LYPLAL1: variants seen among roughly 807,000 people sequenced by gnomAD.
LYPLAL1 encodes lysophospholipase like 1.
In LYPLAL1, 23 loss-of-function variants were observed where a neutral mutation model predicts 19.7. That is an observed-to-expected ratio of 1.17 (90% CI 0.84 to 1.65). LYPLAL1 has a LOEUF of 1.65. LYPLAL1 is among the 40% of genes most tolerant of loss of function. The pLI, the probability that LYPLAL1 is intolerant of heterozygous loss-of-function variation, is 0.00. For synonymous variants in LYPLAL1, 119 were observed against 96.3 expected, an observed-to-expected ratio of 1.24 and a Z score of -1.38; for missense variants, 355 against 279.4, an observed-to-expected ratio of 1.27 and a Z score of -1.93.
chr1:219,384,911 G>A, the LYPLAL1 span, among the ~76,000 whole-genome samples: 3 of 152,152 alleles, frequency 2.0e-5, no homozygotes, highest in Non-Finnish European at 4.4e-5. Flanking sequence ...CAACAAATGA[G>A]GAAAGAGACT....
At chr1:219,189,723 G>A (rs2125055808) in intron 2 of LYPLAL1, among the ~76,000 whole-genome samples, 1 of 151,656 alleles carries the variant, frequency 6.6e-6, no homozygotes, top group South Asian at 2.1e-4. Flanking sequence ...GAAAAGCTCA[G>A]TCTGCAAAAA....
At chr1:219,342,882 T>G in the LYPLAL1 span, among the ~76,000 whole-genome samples, 52,450 of 152,168 alleles carry the variant, frequency 0.34, 9,623 homozygotes, top group Admixed American at 0.41. Flanking sequence ...AATTTCCAGT[T>G]TATTGTTTCG....
chr1:219,215,414 C>T (rs1659256975), downstream of LYPLAL1, among the ~76,000 whole-genome samples: 1 of 151,770 alleles, frequency 6.6e-6, no homozygotes, highest in South Asian at 2.1e-4. Context: ...TGATTTTGAC[C>T]AACTTGATTA....
At chr1:219,243,564 T>G in the LYPLAL1 span, among the ~76,000 whole-genome samples, 1 of 152,068 alleles carries the variant, frequency 6.6e-6, no homozygotes, top group South Asian at 2.1e-4. Context: ...TGAGAGGATA[T>G]GCTAGAGTTT....
At chr1:219,265,481 T>A in the LYPLAL1 span, among the ~76,000 whole-genome samples, 5 of 152,176 alleles carry the variant, frequency 3.3e-5, no homozygotes, top group Admixed American at 2.6e-4. Flanking sequence ...TCAAATAAGC[T>A]GCAATTCTTT....
At chr1:219,252,345 C>T in the LYPLAL1 span, among the ~76,000 whole-genome samples, 3 of 152,164 alleles carry the variant, frequency 2.0e-5, no homozygotes, top group Admixed American at 6.6e-5. Context: ...GACAGGGCAT[C>T]CTTGTCTTGT....
At chr1:219,380,102 A>C in the LYPLAL1 span, among the ~76,000 whole-genome samples, 4 of 152,372 alleles carry the variant, frequency 2.6e-5, no homozygotes, top group East Asian at 7.7e-4. Flanking sequence ...TCTATGATAT[A>C]GTTATCATCT....
chr1:219,262,001 G>C, the LYPLAL1 span, among the ~76,000 whole-genome samples: 13 of 151,920 alleles, frequency 8.6e-5, no homozygotes, highest in African/African-American at 3.1e-4. Flanking sequence ...AGGTTTAGTC[G>C]TTTAACATAA....
At chr1:219,188,482 G>A (rs1299150721) in intron 2 of LYPLAL1, among the ~76,000 whole-genome samples, 1 of 151,674 alleles carries the variant, frequency 6.6e-6, no homozygotes, top group Non-Finnish European at 1.5e-5. Context: ...CTAATAATAA[G>A]CTCGTACTAT....
At chr1:219,378,975 A>T in the LYPLAL1 span, among the ~76,000 whole-genome samples, 1 of 152,210 alleles carries the variant, frequency 6.6e-6, no homozygotes, top group African/African-American at 2.4e-5. Flanking sequence ...AAAGGAAAAC[A>T]CAAATTCATA....
chr1:219,433,862 G>T, the LYPLAL1 span, among the ~76,000 whole-genome samples: 1 of 152,208 alleles, frequency 6.6e-6, no homozygotes, highest in South Asian at 2.1e-4. Flanking sequence ...CTAATTTGGT[G>T]TTCATCAATT....
At chr1:219,423,032 C>T in the LYPLAL1 span, among the ~76,000 whole-genome samples, 1 of 152,106 alleles carries the variant, frequency 6.6e-6, no homozygotes, top group African/African-American at 2.4e-5. Flanking sequence ...AGCAGGAAAA[C>T]CCCTGACCAT....
At chr1:219,304,284 G>C in the LYPLAL1 span, among the ~76,000 whole-genome samples, 3 of 152,308 alleles carry the variant, frequency 2.0e-5, no homozygotes, top group African/African-American at 7.2e-5. Flanking sequence ...TGCATTTATA[G>C]TAGATGCTAA....
intron 3 of LYPLAL1, among the ~76,000 whole-genome samples, chr1:219,207,137 T>C (rs1658639588): frequency 6.6e-6 from 1 of 152,070 alleles, no homozygotes; most frequent in South Asian, 2.1e-4. Context: ...AGACACATAA[T>C]TCAGGCTCTT....
the LYPLAL1 span, among the ~76,000 whole-genome samples, chr1:219,439,996 C>CATAT: frequency 2.3e-4 from 11 of 47,158 alleles, no homozygotes; most frequent in East Asian, 9.4e-4. Flanking sequence ...TATATACACA[C>CATAT]ATATATATAT....
chr1:219,298,462 C>G, the LYPLAL1 span, among the ~76,000 whole-genome samples: 2 of 152,236 alleles, frequency 1.3e-5, no homozygotes, highest in Admixed American at 6.5e-5. Context: ...GCCAATCCCT[C>G]TAGCCACTAA....
chr1:219,220,644 G>A, the LYPLAL1 span, among the ~76,000 whole-genome samples: 11 of 152,092 alleles, frequency 7.2e-5, no homozygotes, highest in Admixed American at 4.6e-4. Flanking sequence ...AAGAAAGTGC[G>A]GAAGGTACAG....
chr1:219,239,071 C>G, the LYPLAL1 span, among the ~76,000 whole-genome samples: 3 of 152,182 alleles, frequency 2.0e-5, no homozygotes, highest in Non-Finnish European at 1.5e-5. Context: ...TTCTATTTCT[C>G]TGTCATAACC....
intron 3 of LYPLAL1, 72 bp downstream of exon 3, chr1:219,193,323 G>A: frequency 1.6e-6 from 2 of 1,259,276 alleles, no homozygotes; most frequent in Non-Finnish European, 2.2e-6. Flanking sequence ...ATCTTACTTG[G>A]AACATTATTT....
Sources: gnomAD v4.1 joint callset for allele counts (sites outside exome capture counted in the v4.1 genomes callset) on GRCh38, gnomAD v4.1.1 for gene constraint, MANE v1.5 for transcripts, NCBI Gene and HGNC (gene_info 2026-07-23, HGNC 2026-07-21) for gene names.